The following SEZ6 variants were observed in gnomAD, a reference collection of about 807,000 sequenced individuals.
SEZ6 encodes seizure protein 6 homolog.
SEZ6 carries 53 observed loss-of-function variants against 101.0 expected under a neutral mutation model. The ratio of observed to expected loss-of-function variants is 0.52; its 90% confidence interval spans 0.42 to 0.66. The LOEUF (loss-of-function observed/expected upper bound fraction) is 0.66, where lower values mean the gene tolerates loss of function less well. Ranked by LOEUF, SEZ6 falls within the 30% of genes least tolerant of loss-of-function variation. SEZ6 has a pLI of 0.00. For missense variants in SEZ6, 1,102 were observed against 1,289.4 expected (o/e 0.85, Z 2.23); for synonymous variants, 488 against 512.2 (o/e 0.95, Z 0.64).
At chr17:28,980,330 C>T (rs2041281910) in intron 2 of SEZ6, among the ~76,000 whole-genome samples, 1 of 151,600 alleles carries the variant, frequency 6.6e-6, no homozygotes, top group African/African-American at 2.4e-5. Context: ...GCTCAGCTTC[C>T]CGAGTAGCTA....
intron 1 of SEZ6, among the ~76,000 whole-genome samples, chr17:28,994,212 C>G (rs1031245360): frequency 6.6e-6 from 1 of 152,002 alleles, no homozygotes; most frequent in Admixed American, 6.6e-5. Flanking sequence ...GCTATGCGAC[C>G]TTGGGTTTGC....
In SEZ6 at chr17:28,995,581, C is replaced by A. The variant is rs537664319; in HGVS notation, c.55+10234G>T. Reference sequence around the variant, plus strand: ...GGCCTGGGAGGCAGACCCTGGGCATCCTTGTCCTGCTGAGCTCAAGAGACA... The same window carrying A: ...GGCCTGGGAGGCAGACCCTGGGCATACTTGTCCTGCTGAGCTCAAGAGACA... On this transcript the variant is annotated intron_variant, in intron 1 of 16. Transcript: ENST00000317338. 3.5e-3 allele frequency among the ~76,000 whole-genome samples: 530 copies of A among 152,260 alleles called. 4 individuals are homozygous for A. Among genetic ancestry groups the A allele is most frequent in the African/African-American group, 0.012 (508 of 41,556 alleles).
intron 3 of SEZ6, 52 bp downstream of exon 3, chr17:28,979,627 GA>G (rs1789818121): frequency 6.2e-7 from 1 of 1,611,906 alleles, no homozygotes; most frequent in Non-Finnish European, 8.5e-7. Flanking sequence ...CCTCTCTGAA[GA>G]AAGAGAATAC....
chr17:28,989,034 C>A (rs1186882435), intron 1 of SEZ6, among the ~76,000 whole-genome samples: 2 of 152,176 alleles, frequency 1.3e-5, no homozygotes, highest in African/African-American at 2.4e-5. Flanking sequence ...TGGGCTTTGG[C>A]ATCTCCAGAG....
In SEZ6 at chr17:28,972,060, A is replaced by T. The variant is rs548781123; in HGVS notation, c.859-2108T>A. 1.1e-3 allele frequency among the ~76,000 whole-genome samples: 170 copies of T among 152,346 alleles called. 2 individuals carry two copies. Among genetic ancestry groups the T allele is most frequent in the African/African-American group, 3.9e-3 (164 of 41,568 alleles). On this transcript the variant is annotated intron_variant, in intron 3 of 16. Coordinates refer to ENST00000317338, the MANE Select transcript of SEZ6 (RefSeq NM_178860.5). ...CACCCCTCACTTCTGCCCCCTGGGCATCCACATATGGGACTCTGCGGGGGC... is the reference window on the plus strand; with the variant it reads ...CACCCCTCACTTCTGCCCCCTGGGCTTCCACATATGGGACTCTGCGGGGGC...
At position 28,955,802 on chromosome 17, in the gene SEZ6, A is replaced by G; in HGVS notation, c.*160T>C. 1 of 837,914 alleles carries G rather than the reference A, an allele frequency of 1.2e-6. No homozygotes were observed. 51.9% of individuals were successfully genotyped at this position (837,914 alleles called of 1,614,324 possible). A position where few individuals can be genotyped will look rare whatever the true frequency, so the allele number is the denominator to read the frequency against. ...GAAAATAGGCCATGGTGGGCATCGCAGGCGGGGAAGGGCACAACTTCTTGA... is the reference window on the plus strand; with the variant it reads ...GAAAATAGGCCATGGTGGGCATCGCGGGCGGGGAAGGGCACAACTTCTTGA... On this transcript the variant is annotated 3_prime_UTR_variant, in exon 17 of 17. Coordinates refer to ENST00000317338, the MANE Select transcript of SEZ6 (RefSeq NM_178860.5).
At chr17:28,997,726 T>C (rs2041561204) in intron 1 of SEZ6, among the ~76,000 whole-genome samples, 1 of 152,008 alleles carries the variant, frequency 6.6e-6, no homozygotes, top group South Asian at 2.1e-4. Context: ...CCGATTTCCT[T>C]TGATCTTCAT....
intron 1 of SEZ6, among the ~76,000 whole-genome samples, chr17:28,998,638 CT>C (rs966943217): frequency 1.3e-5 from 2 of 152,090 alleles, no homozygotes; most frequent in African/African-American, 4.8e-5. Flanking sequence ...GAAGTCCCCC[CT>C]ACCCCTTGAG....
Position 28,955,466 on chromosome 17 carries a change from G to T in SEZ6, c.*496C>A. 1 of 363,342 alleles carries T rather than the reference G, an allele frequency of 2.8e-6. No individual in the cohort carries two copies. The highest frequency in any genetic ancestry group is 2.0e-5 in the South Asian group (1 of 49,384). 22.5% of individuals were successfully genotyped at this position (363,342 alleles called of 1,614,324 possible). On this transcript the variant is annotated 3_prime_UTR_variant, in exon 17 of 17. Coordinates refer to ENST00000317338, the MANE Select transcript of SEZ6 (RefSeq NM_178860.5). Reference sequence around the variant, plus strand: ...GAGACCTCCCAAGAGGCTGATGTTGGCATGCCAGGACTACCCAGAGGTCAC... The same window carrying T: ...GAGACCTCCCAAGAGGCTGATGTTGTCATGCCAGGACTACCCAGAGGTCAC...
chr17:28,957,805 C>T, intron 11 of SEZ6, 142 bp downstream of exon 11: 1 of 1,018,386 alleles, frequency 9.8e-7, no homozygotes, highest in Non-Finnish European at 1.4e-6. Context: ...ATCCCCATTT[C>T]ACAGATGAGG....
chr17:28,996,653 G>A (rs1030332468), intron 1 of SEZ6, among the ~76,000 whole-genome samples: 3 of 152,084 alleles, frequency 2.0e-5, no homozygotes, highest in Non-Finnish European at 2.9e-5. Context: ...AGGGACAGAG[G>A]GCACAGACAT....
chr17:28,982,138 C>T (rs2041317181), intron 1 of SEZ6, 99 bp from the exon 2 acceptor site: 3 of 1,448,760 alleles, frequency 2.1e-6, no homozygotes, highest in South Asian at 1.5e-5. Context: ...TTTTGACAGA[C>T]AGCCCTGAGG....
At chr17:28,956,663 C>T in intron 14 of SEZ6, 56 bp downstream of exon 14, 1 of 1,549,354 alleles carries the variant, frequency 6.5e-7, no homozygotes, top group Non-Finnish European at 8.7e-7. Context: ...GACCTGGGAG[C>T]CGTGAGAACC....
intron 1 of SEZ6, among the ~76,000 whole-genome samples, chr17:28,983,212 G>A (rs2041334913): frequency 6.6e-6 from 1 of 152,196 alleles, no homozygotes; most frequent in Non-Finnish European, 1.5e-5. Flanking sequence ...GTAAAATTGG[G>A]TTTCCTTTTT....
At chr17:28,986,750 C>G (rs189215337) in intron 1 of SEZ6, among the ~76,000 whole-genome samples, 10 of 152,352 alleles carry the variant, frequency 6.6e-5, no homozygotes, top group African/African-American at 1.9e-4. Flanking sequence ...CGATGTGACA[C>G]TAGCTGTGTG....
chr17:28,999,044 T>G (rs778869248), intron 1 of SEZ6, among the ~76,000 whole-genome samples: 1 of 152,168 alleles, frequency 6.6e-6, no homozygotes, highest in Non-Finnish European at 1.5e-5. Context: ...CTATGTTATA[T>G]TCCTCCCAAT....
Position 29,005,772 on chromosome 17 carries a change from C to T in SEZ6, c.55+43G>A. 4 of 1,472,126 alleles carry T rather than the reference C, an allele frequency of 2.7e-6. No homozygotes were observed. In the Admixed American group the frequency reaches 6.5e-5, roughly 24 times the overall value. The allele number at this position is 1,472,126 out of a possible 1,614,324, so 91.2% of individuals were successfully genotyped here. ...GTCTCCCTTCCCACCCCTGGGGCCC[C>T]GCTCCCGCCCCCGTCCTGCCGCCGG... On this transcript the variant is annotated intron_variant, in intron 1 of 16. Coordinates refer to ENST00000317338, the MANE Select transcript of SEZ6 (RefSeq NM_178860.5). The surrounding 1 kb of genome is among the most constrained non-coding windows in gnomAD (Gnocchi z 4.8).
chr17:28,979,834 C>G, intron 2 of SEZ6, 21 bp from the exon 3 acceptor site: 2 of 1,597,662 alleles, frequency 1.3e-6, no homozygotes, highest in East Asian at 2.3e-5. Flanking sequence ...GGAGGAGACA[C>G]AAAGCTAGTG....
At position 28,960,632 on chromosome 17, in the gene SEZ6, T is replaced by C. The variant is rs1160712078; in HGVS notation, c.1449A>G (p.Pro483=). The C allele has an allele frequency of 2.5e-6, 4 of 1,596,244 alleles. No individual in the cohort carries two copies. The highest frequency in any genetic ancestry group is 1.8e-5 in the Admixed American group (1 of 56,608). ...ATTCCACCTCATAGGAATCATACAC[T>C]GGTGGGGCCTCCACGTTGTCCCCAT... The part of the protein sequence containing the change: ...IRNGDNVEAP[P]VYDSYEVEYL... Residue 483 remains proline, a synonymous_variant, in exon 7 of 17, where the codon CCA becomes CCG. Coordinates refer to ENST00000317338, the MANE Select transcript of SEZ6 (RefSeq NM_178860.5).
Sources: allele counts gnomAD v4.1 joint callset (sites outside exome capture counted in the v4.1 genomes callset), GRCh38; gene constraint gnomAD v4.1.1; non-coding constraint Gnocchi (gnomAD v3.1); transcripts MANE v1.5; gene names NCBI Gene and HGNC (gene_info 2026-07-23, HGNC 2026-07-21).